The following CNTN4 variants were observed in gnomAD, a reference collection of about 807,000 sequenced individuals.
The protein encoded by CNTN4 is contactin 4.
CNTN4 carries 77 observed loss-of-function variants against 122.5 expected under a neutral mutation model. The ratio of observed to expected loss-of-function variants is 0.63; its 90% CI spans 0.52 to 0.76. The LOEUF (loss-of-function observed/expected upper bound fraction) is 0.76, where lower values mean the gene tolerates loss of function less well. Among genes scored for constraint, CNTN4 ranks in the 30% least tolerant of loss-of-function variants. CNTN4 has a pLI of 0.00. For synonymous variants in CNTN4, 512 were observed against 447.0 expected, an observed-to-expected ratio of 1.15 and a Z score of -1.83; for missense variants, 1,256 against 1,259.1, an observed-to-expected ratio of 1.00 and a Z score of 0.04.
intron 2 of CNTN4, among the ~76,000 whole-genome samples, chr3:2,281,252 G>T (rs1273161620): frequency 6.6e-6 from 1 of 152,060 alleles, no homozygotes. Flanking sequence ...AGACAGCATT[G>T]TCTTCTTTGA....
intron 4 of CNTN4, among the ~76,000 whole-genome samples, chr3:2,602,824 G>A (rs980271788): frequency 3.9e-5 from 6 of 152,146 alleles, no homozygotes; most frequent in Non-Finnish European, 7.4e-5. Context: ...GTCTTCCTTA[G>A]CAAGTACAAC....
intron 13 of CNTN4, among the ~76,000 whole-genome samples, chr3:2,937,302 AG>A (rs1177919004): frequency 2.0e-5 from 3 of 152,216 alleles, no homozygotes; most frequent in African/African-American, 7.2e-5. Context: ...TTTGCCAGGA[AG>A]AACTTCTTTT....
At chr3:2,371,974 C>A (rs1251009418) in intron 3 of CNTN4, among the ~76,000 whole-genome samples, 2 of 152,204 alleles carry the variant, frequency 1.3e-5, no homozygotes, top group African/African-American at 2.4e-5. Flanking sequence ...TTAAAACCAG[C>A]ATCTGATTAC....
rs566990432 is a variant in CNTN4 at position 2,133,817 on chromosome 3, A to G, written c.-145+33178A>G. 2.2e-4 allele frequency among the ~76,000 whole-genome samples: 33 copies of G among 152,200 alleles called. No homozygotes were observed. In the South Asian group the frequency reaches 4.1e-3, roughly 19 times the overall value. On this transcript the variant is annotated intron_variant, in intron 2 of 24. Coordinates refer to ENST00000418658, the MANE Select transcript of CNTN4 (RefSeq NM_175607.3). The stretch of plus-strand genomic sequence containing the variant: ...AATTTAAGATTATTTTCCTTTTTCT[A>G]ATTTATCACTGGCTAGGTCCTTTAA...
At chr3:3,001,351 T>C (rs570065300) in intron 14 of CNTN4, among the ~76,000 whole-genome samples, 1 of 152,334 alleles carries the variant, frequency 6.6e-6, no homozygotes, top group South Asian at 2.1e-4. Context: ...AGCCAAGAAT[T>C]CCTCATTGTT....
intron 7 of CNTN4, among the ~76,000 whole-genome samples, chr3:2,835,126 C>G (rs2093196681): frequency 6.6e-6 from 1 of 151,292 alleles, no homozygotes; most frequent in Non-Finnish European, 1.5e-5. Context: ...AGGATGGTCT[C>G]GATCTCCTGA....
chr3:2,527,950 G>A (rs568962183), intron 3 of CNTN4, among the ~76,000 whole-genome samples: 4 of 152,128 alleles, frequency 2.6e-5, no homozygotes, highest in Non-Finnish European at 5.9e-5. Flanking sequence ...GTCCCTTCCC[G>A]ATGTCTCCCT....
chr3:2,352,030 T>A (rs1217515428), intron 3 of CNTN4, among the ~76,000 whole-genome samples: 1 of 152,220 alleles, frequency 6.6e-6, no homozygotes, highest in East Asian at 1.9e-4. Flanking sequence ...TTTTGATTTT[T>A]ACATATATCA....
At chr3:2,540,033 G>A (rs935683063) in intron 3 of CNTN4, among the ~76,000 whole-genome samples, 2 of 151,792 alleles carry the variant, frequency 1.3e-5, no homozygotes, top group African/African-American at 4.8e-5. Context: ...AAATGGCAGA[G>A]GACAAGATAA....
intron 4 of CNTN4, among the ~76,000 whole-genome samples, chr3:2,683,070 A>G (rs113438139): frequency 8.5e-4 from 130 of 152,260 alleles, no homozygotes; most frequent in African/African-American, 2.7e-3. Context: ...TAGATTCTCT[A>G]TAAGACAAAA....
intron 3 of CNTN4, among the ~76,000 whole-genome samples, chr3:2,339,621 G>A (rs535922847): frequency 1.1e-4 from 16 of 152,266 alleles, no homozygotes; most frequent in African/African-American, 3.6e-4. Context: ...TTAAGTTAAC[G>A]CAGTCCTATA....
At chr3:2,835,149 C>G (rs896741627) in intron 7 of CNTN4, among the ~76,000 whole-genome samples, 5 of 151,904 alleles carry the variant, frequency 3.3e-5, no homozygotes, top group African/African-American at 1.2e-4. Flanking sequence ...TCGCGATCCG[C>G]CCGCCTCAGC....
At chr3:2,235,294 A>C (rs556118034) in intron 2 of CNTN4, among the ~76,000 whole-genome samples, 24 of 152,258 alleles carry the variant, frequency 1.6e-4, no homozygotes, top group African/African-American at 4.6e-4. Context: ...TAACCTAAAA[A>C]CTATTTAGGT....
At chr3:3,050,934 C>T (rs1051030851) in intron 23 of CNTN4, among the ~76,000 whole-genome samples, 22 of 152,150 alleles carry the variant, frequency 1.4e-4, no homozygotes, top group African/African-American at 5.3e-4. Context: ...AGGTTATCCA[C>T]ATAAGCATTT....
In CNTN4 at chr3:2,655,992, A is replaced by G. The variant is rs570403054; in HGVS notation, c.56-80223A>G. The stretch of plus-strand genomic sequence containing the variant: ...CCTTGGATTTCGGATTTGCTTTCTG[A>G]TAATTAGAGATATCTCAAAAATAAA... On this transcript the variant is annotated intron_variant, in intron 4 of 24. Coordinates refer to ENST00000418658, the MANE Select transcript of CNTN4 (RefSeq NM_175607.3). 4.9e-4 allele frequency among the ~76,000 whole-genome samples: 75 copies of G among 152,330 alleles called. 1 individual carries two copies. Among genetic ancestry groups the G allele is most frequent in the Middle Eastern group, 3.4e-3 (1 of 294 alleles).
chr3:2,472,289 G>GTA (rs1477315934), intron 3 of CNTN4, among the ~76,000 whole-genome samples: 1 of 152,116 alleles, frequency 6.6e-6, no homozygotes, highest in African/African-American at 2.4e-5. Context: ...CACCCAGGCT[G>GTA]TAGTGCAATG....
chr3:2,949,220 G>A (rs1227760647), intron 13 of CNTN4, among the ~76,000 whole-genome samples: 2 of 151,986 alleles, frequency 1.3e-5, no homozygotes, highest in Non-Finnish European at 2.9e-5. Context: ...CCATATCTCA[G>A]CTGAAATGTT....
In CNTN4 at chr3:2,439,755, A is replaced by T. The variant is rs1417471733; in HGVS notation, c.-89+100522A>T. Reference sequence around the variant, plus strand: ...GAATTATGGAGAAGAGAAGAGCAATAAAACAGAGACAAACATTGAAGCAGT... The same window carrying T: ...GAATTATGGAGAAGAGAAGAGCAATTAAACAGAGACAAACATTGAAGCAGT... On this transcript the variant is annotated intron_variant, in intron 3 of 24. Transcript: ENST00000418658. Among the ~76,000 whole-genome samples, 3 of 152,114 alleles carry T rather than the reference A, an allele frequency of 2.0e-5. No individual in the cohort carries two copies. In the South Asian group the frequency reaches 6.2e-4, roughly 32 times the overall value.
chr3:2,340,702 T>TAGAGAGAG (rs1330266104), intron 3 of CNTN4, among the ~76,000 whole-genome samples: 20 of 14,356 alleles, frequency 1.4e-3, no homozygotes, highest in African/African-American at 2.0e-3. Context: ...TATATATATA[T>TAGAGAGAG]ATATATATAG....
Sources: allele counts gnomAD v4.1 joint callset (sites outside exome capture counted in the v4.1 genomes callset), GRCh38; gene constraint gnomAD v4.1.1; transcripts MANE v1.5; gene names NCBI Gene and HGNC (gene_info 2026-07-23, HGNC 2026-07-21).